The following TANC2 variants were observed in gnomAD, a reference collection of about 807,000 sequenced individuals.
The protein encoded by TANC2 is protein TANC2.
TANC2 carries 26 observed loss-of-function variants against 210.5 expected under a neutral mutation model. That is an observed-to-expected ratio of 0.12 (90% CI 0.09 to 0.17). The LOEUF (loss-of-function observed/expected upper bound fraction) is 0.17. Ranked by LOEUF, TANC2 falls within the 10% of genes least tolerant of loss-of-function variation. TANC2 has a pLI of 1.00. For synonymous variants in TANC2, 931 were observed against 967.1 expected, an observed-to-expected ratio of 0.96 and a Z score of 0.69; for missense variants, 2,129 against 2,608.9, an observed-to-expected ratio of 0.82 and a Z score of 4.01.
chr17:63,350,976 G>A (rs1231006899), intron 12 of TANC2, among the ~76,000 whole-genome samples: 1 of 151,692 alleles, frequency 6.6e-6, no homozygotes, highest in African/African-American at 2.4e-5. Context: ...CCAATACTCA[G>A]GCTGTCTCAC....
intron 9 of TANC2, among the ~76,000 whole-genome samples, chr17:63,270,775 C>T (rs2043675947): frequency 6.6e-6 from 1 of 152,012 alleles, no homozygotes; most frequent in East Asian, 1.9e-4. Flanking sequence ...AAGTATTAAG[C>T]CTAGTATCCA....
intron 4 of TANC2, among the ~76,000 whole-genome samples, chr17:63,147,755 C>G (rs907878569): frequency 1.3e-5 from 2 of 152,134 alleles, no homozygotes; most frequent in Non-Finnish European, 2.9e-5. Flanking sequence ...TAACTTAGAC[C>G]ATTTTGATTT....
intron 3 of TANC2, among the ~76,000 whole-genome samples, chr17:63,092,176 A>T (rs1247170431): frequency 6.6e-6 from 1 of 151,894 alleles, no homozygotes; most frequent in Non-Finnish European, 1.5e-5. Flanking sequence ...GTTTGTGGAG[A>T]GTAATAATTT....
chr17:63,217,136 A>C (rs2042047135), intron 7 of TANC2, among the ~76,000 whole-genome samples: 1 of 152,216 alleles, frequency 6.6e-6, no homozygotes, highest in South Asian at 2.1e-4. Flanking sequence ...TAAATCAATG[A>C]ACTGAATTTC....
chr17:63,098,543 TTATA>T (rs1202046273), intron 3 of TANC2, among the ~76,000 whole-genome samples: 1 of 115,726 alleles, frequency 8.6e-6, no homozygotes, highest in Non-Finnish European at 1.9e-5. Context: ...ATGTAAAAAT[TTATA>T]TATATATAAT....
At chr17:63,384,838 A>G (rs2047727444) in intron 15 of TANC2, among the ~76,000 whole-genome samples, 1 of 152,200 alleles carries the variant, frequency 6.6e-6, no homozygotes, top group Non-Finnish European at 1.5e-5. Context: ...GTTTGGAATT[A>G]AAGGTAAAGG....
exon 28 of TANC2, chr17:63,425,971 C>G (rs1013780476): frequency 6.6e-6 from 1 of 152,238 alleles, no homozygotes; most frequent in African/African-American, 2.4e-5. Flanking sequence ...GCAGAAATGC[C>G]TTGGACAAAA....
Position 63,193,975 on chromosome 17 carries a change from T to C in TANC2, c.434-16T>C. The C allele has an allele frequency of 6.2e-7, 1 of 1,607,362 alleles. No homozygotes were observed. Among genetic ancestry groups the C allele is most frequent in the Non-Finnish European group, 8.5e-7 (1 of 1,176,750 alleles). The stretch of plus-strand genomic sequence containing the variant: ...ATTTTGAAAGATTCATGTTCTTCAA[T>C]GCCTTCTTGTTACAGGTGATGCTGA... On this transcript the variant is annotated splice_polypyrimidine_tract_variant and intron_variant, in intron 5 of 27. Coordinates refer to ENST00000689528, the Ensembl canonical transcript of TANC2.
chr17:63,255,903 CTTTTTTTTTTTT>C (rs1170508286), intron 8 of TANC2, among the ~76,000 whole-genome samples: 1 of 84,274 alleles, frequency 1.2e-5, no homozygotes, highest in Admixed American at 1.2e-4. Flanking sequence ...TTTGACTTTT[CTTTTTTTTTTTT>C]TTTTTTTTTT....
intron 5 of TANC2, among the ~76,000 whole-genome samples, chr17:63,177,313 A>G (rs532068701): frequency 1.5e-4 from 22 of 151,168 alleles, no homozygotes; most frequent in Admixed American, 4.6e-4. Context: ...TATATGTTAT[A>G]TAGGTAATAG....
intron 7 of TANC2, among the ~76,000 whole-genome samples, chr17:63,237,116 A>G (rs1197949193): frequency 6.6e-6 from 1 of 152,110 alleles, no homozygotes; most frequent in Non-Finnish European, 1.5e-5. Flanking sequence ...AACGGTGTAT[A>G]TGAGCATTCT....
At chr17:63,368,946 T>C (rs1338421139) in intron 14 of TANC2, among the ~76,000 whole-genome samples, 1 of 152,188 alleles carries the variant, frequency 6.6e-6, no homozygotes, top group Non-Finnish European at 1.5e-5. Flanking sequence ...TTAAAGTCCT[T>C]TTTGAACAAA....
At chr17:63,317,989 C>T (rs915645280) in intron 10 of TANC2, among the ~76,000 whole-genome samples, 1 of 152,210 alleles carries the variant, frequency 6.6e-6, no homozygotes, top group Non-Finnish European at 1.5e-5. Flanking sequence ...ACCCAAATGT[C>T]ACACAGTCCT....
intron 17 of TANC2, among the ~76,000 whole-genome samples, chr17:63,392,418 G>C (rs150972163): frequency 6.6e-6 from 1 of 152,112 alleles, no homozygotes; most frequent in Non-Finnish European, 1.5e-5. Context: ...CAGAACTAGG[G>C]AGTCATTGAC....
At chr17:63,067,375 T>C (rs2036239859) in intron 2 of TANC2, among the ~76,000 whole-genome samples, 1 of 152,184 alleles carries the variant, frequency 6.6e-6, no homozygotes, top group South Asian at 2.1e-4. Flanking sequence ...AAACCTTTTA[T>C]TGTTACTATA....
At chr17:62,975,992 A>G (rs2031981460) in intron 1 of TANC2, among the ~76,000 whole-genome samples, 1 of 152,126 alleles carries the variant, frequency 6.6e-6, no homozygotes, top group Non-Finnish European at 1.5e-5. Context: ...TCAGCCTTGC[A>G]AGGCATTTTA....
chr17:63,118,814 C>G (rs1469265020), intron 4 of TANC2, among the ~76,000 whole-genome samples: 2 of 144,728 alleles, frequency 1.4e-5, no homozygotes, highest in Admixed American at 7.0e-5. Context: ...GAGTCTCGCT[C>G]TGTCGCCCAG....
At chr17:63,170,978 G>A (rs1251577073) in intron 5 of TANC2, among the ~76,000 whole-genome samples, 6 of 151,778 alleles carry the variant, frequency 4.0e-5, no homozygotes, top group Non-Finnish European at 7.4e-5. Context: ...TCTCCATTTG[G>A]TGTTACTCAA....
chr17:63,013,531 G>T (rs1438502622), intron 2 of TANC2, among the ~76,000 whole-genome samples: 1 of 152,054 alleles, frequency 6.6e-6, no homozygotes, highest in Admixed American at 6.6e-5. Flanking sequence ...GGAGGCCGAG[G>T]CAGGCGGATC....
Sources: gnomAD v4.1 joint callset for allele counts (sites outside exome capture counted in the v4.1 genomes callset) on GRCh38, gnomAD v4.1.1 for gene constraint, MANE v1.5 for transcripts, NCBI Gene and HGNC (gene_info 2026-07-23, HGNC 2026-07-21) for gene names.